Variants in CMTM4 observed in about 807,000 individuals in gnomAD.
The protein encoded by CMTM4 is CKLF like MARVEL transmembrane domain containing 4, also known as CKLF-like MARVEL transmembrane domain-containing protein 4.
In CMTM4, 8 loss-of-function variants were observed where a neutral mutation model predicts 19.0. That is an observed-to-expected ratio of 0.42 (90% CI 0.25 to 0.76). The LOEUF (loss-of-function observed/expected upper bound fraction) is 0.76. Among genes scored for constraint, CMTM4 ranks in the 30% least tolerant of loss-of-function variants. CMTM4 has a pLI of 0.27. For missense variants in CMTM4, 228 were observed against 290.2 expected (o/e 0.79, Z 1.56); for synonymous variants, 106 against 121.1 (o/e 0.88, Z 0.82).
downstream of CMTM4, chr16:66,612,804 G>C (rs2015433011): frequency 1.5e-6 from 1 of 673,792 alleles, no homozygotes; most frequent in Non-Finnish European, 2.6e-6. The surrounding 1 kb of genome is among the most constrained non-coding windows in gnomAD (Gnocchi z 6.0). Context: ...CAGCCTACCA[G>C]GCTTGCCCCT....
chr16:66,633,090 TATATATATATAAATATATATATATATAA>T (rs968034252), intron 2 of CMTM4, among the ~76,000 whole-genome samples: 16 of 51,230 alleles, frequency 3.1e-4, no homozygotes, highest in South Asian at 7.9e-4. Context: ...CGTTTCAAAA[TATATATATATAAATATATATATATATAA>T]ATATATATAT....
At chr16:66,653,064 G>A (rs371931636) in intron 1 of CMTM4, among the ~76,000 whole-genome samples, 2 of 152,116 alleles carry the variant, frequency 1.3e-5, no homozygotes, top group African/African-American at 4.8e-5. Context: ...CATGGTCCTA[G>A]CTTCATAGAT....
downstream of CMTM4, chr16:66,610,093 T>A: frequency 6.7e-7 from 1 of 1,492,716 alleles, no homozygotes; most frequent in South Asian, 1.2e-5. This position sits in a 1 kb window ranked among gnomAD's most constrained non-coding sequence, Gnocchi z 4.6. Context: ...TGGGGTGGGA[T>A]CATTTCCTCT....
chr16:66,668,170 T>C (rs996143893), intron 1 of CMTM4, among the ~76,000 whole-genome samples: 1 of 151,786 alleles, frequency 6.6e-6, no homozygotes, highest in African/African-American at 2.4e-5. Flanking sequence ...GAGCTATTTT[T>C]TTTTTTTTTT....
intron 1 of CMTM4, among the ~76,000 whole-genome samples, chr16:66,649,501 T>A (rs2016272180): frequency 6.6e-6 from 1 of 152,164 alleles, no homozygotes; most frequent in African/African-American, 2.4e-5. Context: ...TATCCCTGAT[T>A]TTTTTTCTTC....
In CMTM4 at chr16:66,617,454, C is replaced by T. The variant is rs547910470; in HGVS notation, c.*4604G>A. 19 of 1,507,052 alleles carry T rather than the reference C, an allele frequency of 1.3e-5. No homozygotes were observed. The highest frequency in any genetic ancestry group is 1.6e-5 in the Non-Finnish European group (18 of 1,129,876). 93.4% of individuals were successfully genotyped at this position (1,507,052 alleles called of 1,614,324 possible). ...AAAGAAGGGAAAATACAATAGGACC[C>T]ACTCCGCTTCAAGCTAAAGAGTGTA... On this transcript the variant is annotated 3_prime_UTR_variant, in exon 4 of 4. Coordinates refer to ENST00000394106, the MANE Select transcript of CMTM4 (RefSeq NM_181521.3).
chr16:66,620,824 T>C lies in CMTM4; in HGVS notation c.*1234A>G. 1 of 985,126 alleles carries C rather than the reference T, an allele frequency of 1.0e-6. No individual in the cohort carries two copies. The highest frequency in any genetic ancestry group is 1.7e-5 in the African/African-American group (1 of 57,290). The allele number at this position is 985,126 out of a possible 1,614,324, so 61.0% of individuals were successfully genotyped here. The stretch of plus-strand genomic sequence containing the variant: ...TTTTTTCCATAAAAGATATAATTAC[T>C]CTCTAATTTTTTAAAAAAACTACTG... On this transcript the variant is annotated 3_prime_UTR_variant, in exon 4 of 4. Coordinates refer to ENST00000394106, the MANE Select transcript of CMTM4 (RefSeq NM_181521.3).
chr16:66,621,401 G>T lies in CMTM4; in HGVS notation c.*657C>A, dbSNP rs1332663742. 5.3e-5 allele frequency: 52 copies of T among 985,772 alleles called. No homozygotes were observed. The highest frequency in any genetic ancestry group is 6.0e-5 in the Non-Finnish European group (50 of 829,954). 61.1% of individuals were successfully genotyped at this position (985,772 alleles called of 1,614,324 possible). A position where few individuals can be genotyped will look rare whatever the true frequency, so the allele number is the denominator to read the frequency against. On this transcript the variant is annotated 3_prime_UTR_variant, in exon 4 of 4. Coordinates refer to ENST00000394106, the MANE Select transcript of CMTM4 (RefSeq NM_181521.3). ...AGATGGCCCCCATATTCCTGGAGAA[G>T]AATCTGGGGTTCAGGAAGGTGATTC...
intron 1 of CMTM4, among the ~76,000 whole-genome samples, chr16:66,668,150 AC>A (rs1782883976): frequency 6.7e-6 from 1 of 149,714 alleles, no homozygotes; most frequent in African/African-American, 2.5e-5. Context: ...TACAGGTCAC[AC>A]CACCAACAGA....
intron 1 of CMTM4, among the ~76,000 whole-genome samples, chr16:66,683,983 C>T (rs983981507): frequency 5.3e-5 from 8 of 152,050 alleles, no homozygotes; most frequent in Non-Finnish European, 1.0e-4. Flanking sequence ...AGTGCAAAGA[C>T]GAAGGCAGGT....
At chr16:66,610,847 C>T, downstream of CMTM4, 1 of 398,650 alleles carries the variant, frequency 2.5e-6, no homozygotes, top group Non-Finnish European at 4.4e-6. The surrounding 1 kb of genome is among the most constrained non-coding windows in gnomAD (Gnocchi z 4.6). Flanking sequence ...GGTTTCCTAA[C>T]AGCCAGGTGC....
intron 1 of CMTM4, among the ~76,000 whole-genome samples, chr16:66,692,580 T>C (rs2017155413): frequency 6.6e-6 from 1 of 152,190 alleles, no homozygotes; most frequent in Non-Finnish European, 1.5e-5. Context: ...AGCAAGGATC[T>C]ACAGGTTGCA....
intron 2 of CMTM4, among the ~76,000 whole-genome samples, chr16:66,629,501 A>C (rs1201143797): frequency 6.6e-6 from 1 of 152,230 alleles, no homozygotes; most frequent in African/African-American, 2.4e-5. Context: ...TGGGTCCCAG[A>C]AAGAATGAGT....
At chr16:66,675,074 A>T (rs1435451417) in intron 1 of CMTM4, among the ~76,000 whole-genome samples, 3 of 147,832 alleles carry the variant, frequency 2.0e-5, no homozygotes, top group African/African-American at 7.5e-5. Flanking sequence ...TACTTAAAAA[A>T]ATTTTTTTTT....
At chr16:66,612,835 C>T (rs766667759), downstream of CMTM4, 40 of 616,802 alleles carry the variant, frequency 6.5e-5, no homozygotes, top group Middle Eastern at 4.3e-4. This position sits in a 1 kb window ranked among gnomAD's most constrained non-coding sequence, Gnocchi z 6.0. Flanking sequence ...CTGTTGACCA[C>T]GCTGCGTATG....
intron 1 of CMTM4, among the ~76,000 whole-genome samples, chr16:66,643,380 G>C (rs2016131881): frequency 6.6e-6 from 1 of 152,206 alleles, no homozygotes; most frequent in Non-Finnish European, 1.5e-5. Context: ...AGGCTCATCT[G>C]ACATTATGAC....
chr16:66,617,256 G>C lies in CMTM4; in HGVS notation c.*4802C>G. The C allele has an allele frequency of 4.3e-6, 7 of 1,611,170 alleles. No homozygotes were observed. Among genetic ancestry groups the C allele is most frequent in the Non-Finnish European group, 4.2e-6 (5 of 1,177,762 alleles). On this transcript the variant is annotated 3_prime_UTR_variant, in exon 4 of 4. Coordinates refer to ENST00000394106, the MANE Select transcript of CMTM4 (RefSeq NM_181521.3). The stretch of plus-strand genomic sequence containing the variant: ...CCTATGAAATAGATACACAGTTCAA[G>C]GACCCATCATCTGAACTTTTCTAGG...
chr16:66,645,980 A>AAAAC (rs368319184), intron 1 of CMTM4, among the ~76,000 whole-genome samples: 71 of 152,260 alleles, frequency 4.7e-4, no homozygotes, highest in African/African-American at 1.4e-3. Context: ...CTCTGTCTCA[A>AAAAC]AAACAAACAA....
chr16:66,609,599 G>A, the CMTM4 span: 3 of 1,524,340 alleles, frequency 2.0e-6, no homozygotes, highest in African/African-American at 2.8e-5. The surrounding 1 kb of genome is among the most constrained non-coding windows in gnomAD (Gnocchi z 4.4). Context: ...GGTGGGACCT[G>A]GGGCAGAGCC....
Sources: allele counts gnomAD v4.1 joint callset (sites outside exome capture counted in the v4.1 genomes callset), GRCh38; gene constraint gnomAD v4.1.1; non-coding constraint Gnocchi (gnomAD v3.1); transcripts MANE v1.5; gene names NCBI Gene and HGNC (gene_info 2026-07-23, HGNC 2026-07-21).